The following SDK2 variants were observed in gnomAD, a reference collection of about 807,000 sequenced individuals.
The protein encoded by SDK2 is sidekick cell adhesion molecule 2.
Under a neutral mutation model 253.9 loss-of-function variants are expected in SDK2, and 105 were observed. The ratio of observed to expected loss-of-function variants is 0.41; its 90% CI spans 0.35 to 0.49. SDK2 has a LOEUF of 0.49. Among genes scored for constraint, SDK2 ranks in the 20% least tolerant of loss-of-function variants. The probability of loss-of-function intolerance (pLI) is 0.06; values close to 1 mark genes in which losing one functional copy is unlikely to be tolerated. For synonymous variants in SDK2, 1,249 were observed against 1,234.9 expected (o/e 1.01, Z -0.24); for missense variants, 2,608 against 3,003.0 (o/e 0.87, Z 3.07).
intron 17 of SDK2, 146 bp downstream of exon 17, chr17:73,415,665 T>G: frequency 1.5e-6 from 1 of 683,688 alleles, no homozygotes; most frequent in South Asian, 2.0e-5. Context: ...TTTTTTTCAC[T>G]TTTTGTAGAG....
intron 28 of SDK2, among the ~76,000 whole-genome samples, chr17:73,390,888 G>T (rs540077813): frequency 2.6e-5 from 4 of 152,308 alleles, no homozygotes; most frequent in Non-Finnish European, 4.4e-5. Context: ...CAGGTGGTGC[G>T]TGAGGTCAGG....
At chr17:73,348,061 G>A (rs747619050) in intron 44 of SDK2, among the ~76,000 whole-genome samples, 4 of 152,194 alleles carry the variant, frequency 2.6e-5, no homozygotes, top group Non-Finnish European at 5.9e-5. Flanking sequence ...CCCAGGTCAC[G>A]AGCAGCAAAG....
intron 1 of SDK2, among the ~76,000 whole-genome samples, chr17:73,547,432 T>A (rs1191653811): frequency 2.0e-5 from 3 of 152,368 alleles, no homozygotes; most frequent in Non-Finnish European, 4.4e-5. Flanking sequence ...CCAACCACTG[T>A]GCCCAGGGAC....
intron 2 of SDK2, among the ~76,000 whole-genome samples, chr17:73,477,911 G>T (rs2145705183): frequency 6.6e-6 from 1 of 152,146 alleles, no homozygotes; most frequent in East Asian, 1.9e-4. Context: ...GCTGGGTTGT[G>T]GCCTCTGGGA....
In SDK2 at chr17:73,630,531, C is replaced by T. The variant is rs148853897; in HGVS notation, c.64+13494G>A. Among the ~76,000 whole-genome samples, 1,189 of 151,768 alleles carry T rather than the reference C, an allele frequency of 7.8e-3. 9 individuals are homozygous for T. Among genetic ancestry groups the T allele is most frequent in the Middle Eastern group, 0.031 (9 of 294 alleles). On this transcript the variant is annotated intron_variant, in intron 1 of 44. Transcript: ENST00000392650. ...CACTATGAGGGGCCTAAGTGTCGTC[C>T]CTCTCTCTGCCAGCATCTAGGAGGC...
rs368973680 is a variant in SDK2, at chr17:73,393,547, G to T, written c.3898+13C>A. 4 of 1,537,918 alleles carry T rather than the reference G, an allele frequency of 2.6e-6. No homozygotes were observed. Among genetic ancestry groups the T allele is most frequent in the Non-Finnish European group, 3.5e-6 (4 of 1,133,148 alleles). On this transcript the variant is annotated intron_variant, in intron 27 of 44. Coordinates refer to ENST00000392650, the MANE Select transcript of SDK2 (RefSeq NM_001144952.2). ...TCCCAGCCTTCCCCAAGCTTGCTGGGATACGGACTCACCATCATCCAGCGT... is the reference window on the plus strand; with the variant it reads ...TCCCAGCCTTCCCCAAGCTTGCTGGTATACGGACTCACCATCATCCAGCGT...
chr17:73,588,691 C>A (rs914285748), intron 1 of SDK2, among the ~76,000 whole-genome samples: 1 of 151,596 alleles, frequency 6.6e-6, no homozygotes, highest in African/African-American at 2.4e-5. Context: ...CAGCCTCCTG[C>A]GGTGCTCAGG....
At chr17:73,598,064 C>T (rs1319387453) in intron 1 of SDK2, among the ~76,000 whole-genome samples, 1 of 152,040 alleles carries the variant, frequency 6.6e-6, no homozygotes, top group Non-Finnish European at 1.5e-5. Context: ...CAGCTGGTGT[C>T]CGAGTTGTTC....
intron 1 of SDK2, among the ~76,000 whole-genome samples, chr17:73,537,599 G>T (rs972260143): frequency 3.9e-5 from 6 of 152,106 alleles, no homozygotes; most frequent in African/African-American, 1.4e-4. Context: ...GGGAGGTTTG[G>T]GGGGATGAAG....
intron 3 of SDK2, among the ~76,000 whole-genome samples, chr17:73,466,550 G>A (rs1420467393): frequency 6.6e-6 from 1 of 152,180 alleles, no homozygotes; most frequent in African/African-American, 2.4e-5. Context: ...CTGTGGAACT[G>A]GAACTGTGGG....
chr17:73,399,760 T>C (rs1016627059), intron 21 of SDK2, among the ~76,000 whole-genome samples: 2 of 152,120 alleles, frequency 1.3e-5, no homozygotes, highest in African/African-American at 4.8e-5. Context: ...AGGGGGAAGC[T>C]TATTTTCTGG....
At chr17:73,580,268 C>T (rs1254122749) in intron 1 of SDK2, among the ~76,000 whole-genome samples, 1 of 152,234 alleles carries the variant, frequency 6.6e-6, no homozygotes, top group African/African-American at 2.4e-5. Context: ...TGGCACATAC[C>T]AACGTGTAAT....
At chr17:73,524,225 G>A (rs926022501) in intron 1 of SDK2, among the ~76,000 whole-genome samples, 1 of 152,110 alleles carries the variant, frequency 6.6e-6, no homozygotes, top group African/African-American at 2.4e-5. Context: ...AGGGACCCTC[G>A]GGCAGCAGGA....
intron 1 of SDK2, among the ~76,000 whole-genome samples, chr17:73,620,011 C>A (rs2046108556): frequency 6.6e-6 from 1 of 152,110 alleles, no homozygotes; most frequent in South Asian, 2.1e-4. Flanking sequence ...CCAGCCTGGG[C>A]AACATGGTGA....
chr17:73,370,799 C>T (rs1433385231), intron 36 of SDK2, among the ~76,000 whole-genome samples: 1 of 151,990 alleles, frequency 6.6e-6, no homozygotes, highest in Non-Finnish European at 1.5e-5. Flanking sequence ...TGCAGCGGCT[C>T]ACACCTGTAA....
chr17:73,355,174 A>ATATATATATTTTTTTTTT, intron 40 of SDK2, among the ~76,000 whole-genome samples: 2 of 47,222 alleles, frequency 4.2e-5, no homozygotes, highest in Non-Finnish European at 6.7e-5. Flanking sequence ...ATATATATAT[A>ATATATATATTTTTTTTTT]TTTTTTTTTT....
intron 16 of SDK2, among the ~76,000 whole-genome samples, chr17:73,418,323 A>G (rs2145576826): frequency 1.3e-5 from 2 of 152,312 alleles, no homozygotes; most frequent in Middle Eastern, 3.4e-3. Flanking sequence ...TTTTTTTAAA[A>G]GCAAAGGTTT....
At chr17:73,601,755 C>CT (rs1345910336) in intron 1 of SDK2, among the ~76,000 whole-genome samples, 7 of 144,692 alleles carry the variant, frequency 4.8e-5, no homozygotes, top group East Asian at 2.0e-4. Flanking sequence ...TTTTTTTTTT[C>CT]TTTTTTGAGA....
intron 1 of SDK2, among the ~76,000 whole-genome samples, chr17:73,595,560 T>G (rs2045745474): frequency 6.6e-6 from 1 of 151,936 alleles, no homozygotes; most frequent in South Asian, 2.1e-4. Flanking sequence ...GACTGGCCAG[T>G]GGCACAGGCT....
Sources: gnomAD v4.1 joint callset for allele counts (sites outside exome capture counted in the v4.1 genomes callset) on GRCh38, gnomAD v4.1.1 for gene constraint, MANE v1.5 for transcripts, NCBI Gene and HGNC (gene_info 2026-07-23, HGNC 2026-07-21) for gene names.